LVRN: variants seen among roughly 807,000 people sequenced by gnomAD.
The protein encoded by LVRN is aminopeptidase Q.
In LVRN, 99 loss-of-function variants were observed where a neutral mutation model predicts 111.4. The observed-to-expected ratio is 0.89, with a 90% confidence interval of 0.76 to 1.05. LVRN has a LOEUF of 1.05. Ranked by LOEUF, LVRN falls within the 50% of genes least tolerant of loss-of-function variation. The probability of loss-of-function intolerance (pLI) is 0.00; values close to 1 mark genes in which losing one functional copy is unlikely to be tolerated. For missense variants in LVRN, 1,414 were observed against 1,206.8 expected (o/e 1.17, Z -2.54); for synonymous variants, 488 against 449.5 (o/e 1.09, Z -1.08).
intron 1 of LVRN, among the ~76,000 whole-genome samples, chr5:115,978,289 A>G (rs1216354183): frequency 6.6e-6 from 1 of 152,214 alleles, no homozygotes; most frequent in Admixed American, 6.5e-5. Context: ...TCAAACCCAT[A>G]TATTTCATGT....
At chr5:116,009,189 C>T (rs1466937481) in intron 13 of LVRN, among the ~76,000 whole-genome samples, 1 of 152,094 alleles carries the variant, frequency 6.6e-6, no homozygotes, top group Non-Finnish European at 1.5e-5. Context: ...AAAACAAAGC[C>T]TGGATGACAG....
At chr5:116,012,856 A>C (rs1234500524) in intron 15 of LVRN, among the ~76,000 whole-genome samples, 2 of 152,228 alleles carry the variant, frequency 1.3e-5, no homozygotes, top group Non-Finnish European at 2.9e-5. Flanking sequence ...TATTATTAAC[A>C]GAAATTCAGT....
intron 1 of LVRN, among the ~76,000 whole-genome samples, chr5:115,973,869 C>A (rs1044607033): frequency 2.6e-5 from 4 of 152,048 alleles, no homozygotes; most frequent in Non-Finnish European, 5.9e-5. Flanking sequence ...TCATAGGTTT[C>A]TTCTACTTCT....
rs2115040 is a variant in LVRN, at chr5:115,970,596, G to C, written c.695+7284G>C. On this transcript the variant is annotated intron_variant, in intron 1 of 19. Coordinates refer to ENST00000357872, the MANE Select transcript of LVRN (RefSeq NM_173800.5). The stretch of plus-strand genomic sequence containing the variant: ...GAGATGGGGTTTCACCATGTTGGCC[G>C]AGATGGCCTCGATATTCTGACCTTG... Among the ~76,000 whole-genome samples, 197 of 151,932 alleles carry C rather than the reference G, an allele frequency of 1.3e-3. 2 individuals are homozygous for C. The East Asian group carries it at 0.033, about 25-fold the overall frequency.
chr5:116,026,307 T>C lies in LVRN; in HGVS notation c.*189T>C. The C allele has an allele frequency of 1.4e-6, 1 of 735,608 alleles. No individual in the cohort carries two copies. The highest frequency in any genetic ancestry group is 2.1e-6 in the Non-Finnish European group (1 of 467,302). The allele number at this position is 735,608 out of a possible 1,614,324, so 45.6% of individuals were successfully genotyped here. A position where few individuals can be genotyped will look rare whatever the true frequency, so the allele number is the denominator to read the frequency against. ...TGAGGGTGGGTGATTGCTGACAATT[T>C]TGCCAATGCTGCTGTATTTCTGGGA... On this transcript the variant is annotated 3_prime_UTR_variant, in exon 20 of 20. Coordinates refer to ENST00000357872, the MANE Select transcript of LVRN (RefSeq NM_173800.5).
intron 1 of LVRN, among the ~76,000 whole-genome samples, chr5:115,967,209 A>C (rs10056013): frequency 1.3e-4 from 20 of 152,196 alleles, no homozygotes; most frequent in African/African-American, 4.8e-4. Context: ...TGTTGGTGTC[A>C]TGCCTGAGAA....
intron 12 of LVRN, among the ~76,000 whole-genome samples, chr5:116,004,581 A>G (rs1378285299): frequency 6.6e-6 from 1 of 152,172 alleles, no homozygotes; most frequent in African/African-American, 2.4e-5. Context: ...GATGTATGGC[A>G]CATTCGAGCC....
At chr5:115,964,324 A>T (rs1242578960) in intron 1 of LVRN, among the ~76,000 whole-genome samples, 1 of 152,210 alleles carries the variant, frequency 6.6e-6, no homozygotes, top group Non-Finnish European at 1.5e-5. Context: ...TACACCCTGC[A>T]CCATCTCCTG....
chr5:116,013,301 G>A (rs1357507487), intron 15 of LVRN, among the ~76,000 whole-genome samples: 1 of 152,164 alleles, frequency 6.6e-6, no homozygotes, highest in Admixed American at 6.5e-5. Context: ...ATGAGTAGGT[G>A]GACAATGGTA....
chr5:116,019,684 G>A (rs755453190), intron 18 of LVRN, among the ~76,000 whole-genome samples: 22 of 152,188 alleles, frequency 1.4e-4, no homozygotes, highest in Non-Finnish European at 2.5e-4. Context: ...GGCTGTGGGA[G>A]CCAGAATCAT....
intron 6 of LVRN, among the ~76,000 whole-genome samples, chr5:115,994,888 C>T (rs1203198555): frequency 6.6e-6 from 1 of 151,952 alleles, no homozygotes; most frequent in African/African-American, 2.4e-5. Context: ...TGTTATAAAC[C>T]AGAGGTTCTT....
chr5:116,023,152 C>T (rs73783068), intron 19 of LVRN, among the ~76,000 whole-genome samples: 3,501 of 152,236 alleles, frequency 0.023, 155 homozygotes, highest in African/African-American at 0.079. Context: ...ACCCCCTCCT[C>T]GCCTATGCTT....
rs1022081652 is a variant in LVRN at position 116,026,546 on chromosome 5, A to C, written c.*428A>C. The C allele has an allele frequency of 3.8e-5, 8 of 210,748 alleles. 1 individual carries two copies. Among genetic ancestry groups the C allele is most frequent in the African/African-American group, 1.9e-4 (8 of 41,952 alleles). The allele number at this position is 210,748 out of a possible 1,614,324, so 13.1% of individuals were successfully genotyped here. A position where few individuals can be genotyped will look rare whatever the true frequency, so the allele number is the denominator to read the frequency against. On this transcript the variant is annotated 3_prime_UTR_variant, in exon 20 of 20. Transcript: ENST00000357872. The stretch of plus-strand genomic sequence containing the variant: ...TTTAGTTCAACATTGAAGATTGAAA[A>C]GACTAATGAGAAGATAACATGACAA...
chr5:116,015,183 T>C (rs569874206), intron 16 of LVRN, 69 bp from the exon 17 acceptor site: 1 of 1,251,284 alleles, frequency 8.0e-7, no homozygotes, highest in Admixed American at 3.1e-5. Flanking sequence ...AGATTCATAC[T>C]TCTAAAATAT....
intron 15 of LVRN, 34 bp downstream of exon 15, chr5:116,012,502 A>C: frequency 1.6e-6 from 2 of 1,287,174 alleles, no homozygotes; most frequent in Non-Finnish European, 2.2e-6. Context: ...AATTGAATAA[A>C]ATGCATTCAT....
chr5:115,969,293 T>C (rs1429331101), intron 1 of LVRN, among the ~76,000 whole-genome samples: 1 of 152,196 alleles, frequency 6.6e-6, no homozygotes, highest in Non-Finnish European at 1.5e-5. Flanking sequence ...TTGTACTTTT[T>C]TTCTCCTCTT....
intron 19 of LVRN, 126 bp downstream of exon 19, chr5:116,022,592 C>A: frequency 1.5e-6 from 1 of 653,554 alleles, no homozygotes; most frequent in Non-Finnish European, 2.7e-6. Flanking sequence ...TCTATTGGTG[C>A]TGTATCACTG....
chr5:115,973,233 C>T (rs1169364770), intron 1 of LVRN, among the ~76,000 whole-genome samples: 5 of 152,158 alleles, frequency 3.3e-5, no homozygotes. Flanking sequence ...CCCAGTCAAC[C>T]TTGAATTCTT....
chr5:115,996,723 C>T (rs1748121464), intron 6 of LVRN, among the ~76,000 whole-genome samples: 1 of 152,120 alleles, frequency 6.6e-6, no homozygotes, highest in African/African-American at 2.4e-5. Flanking sequence ...CTGACATTGC[C>T]ACTCACTGAC....
Sources: gnomAD v4.1 joint callset for allele counts (sites outside exome capture counted in the v4.1 genomes callset) on GRCh38, gnomAD v4.1.1 for gene constraint, MANE v1.5 for transcripts, NCBI Gene and HGNC (gene_info 2026-07-23, HGNC 2026-07-21) for gene names.